The following MYH14 variants were observed in gnomAD, a reference collection of about 807,000 sequenced individuals.
MYH14 encodes myosin-14.
A neutral mutation model predicts 255.5 loss-of-function variants in MYH14; 123 were observed. The observed-to-expected ratio is 0.48, with a 90% CI of 0.42 to 0.56. The LOEUF is 0.56. MYH14 is among the 20% of genes least tolerant of loss of function. The pLI is 0.00. For synonymous variants in MYH14, 1,095 were observed against 1,161.2 expected (o/e 0.94, Z 1.16); for missense variants, 2,423 against 2,802.3 (o/e 0.86, Z 3.06).
Position 50,289,595 on chromosome 19 carries a change from C to T in MYH14, c.4912C>T (p.Leu1638=). Residue 1638 remains leucine, a synonymous_variant, in exon 35 of 43, where the codon CTG becomes TTG. Transcript: ENST00000642316. The part of the protein sequence containing the change: ...QALKTQHERD[L]QGRDEAGEER... Reference sequence around the variant, plus strand: ...TCTCAAGACTCAGCATGAGCGTGACCTGCAGGGCCGTGATGAGGCTGGTGA... The same window carrying T: ...TCTCAAGACTCAGCATGAGCGTGACTTGCAGGGCCGTGATGAGGCTGGTGA... 6.2e-7 allele frequency: 1 copy of T among 1,612,854 alleles called. No homozygotes were observed. Among genetic ancestry groups the T allele is most frequent in the Non-Finnish European group, 8.5e-7 (1 of 1,179,568 alleles).
intron 16 of MYH14, among the ~76,000 whole-genome samples, chr19:50,253,130 G>A (rs1258067279): frequency 6.6e-6 from 1 of 152,098 alleles, no homozygotes; most frequent in African/African-American, 2.4e-5. Context: ...TTTTTAGATG[G>A]CCTGTGTTCC....
chr19:50,289,603 C>A lies in MYH14; in HGVS notation c.4920C>A (p.Gly1640=). The part of the protein sequence containing the change: ...LKTQHERDLQ[G]RDEAGEERRR... ...CTCAGCATGAGCGTGACCTGCAGGGCCGTGATGAGGCTGGTGAAGAGAGGC... is the reference window on the plus strand; with the variant it reads ...CTCAGCATGAGCGTGACCTGCAGGGACGTGATGAGGCTGGTGAAGAGAGGC... Residue 1640 remains glycine (G), a synonymous_variant, in exon 35 of 43, where the codon GGC becomes GGA. Coordinates refer to ENST00000642316, the MANE Select transcript of MYH14 (RefSeq NM_001145809.2). 6.2e-7 allele frequency: 1 copy of A among 1,612,576 alleles called. No individual in the cohort carries two copies. Among genetic ancestry groups the A allele is most frequent in the Non-Finnish European group, 8.5e-7 (1 of 1,179,506 alleles).
intron 2 of MYH14, among the ~76,000 whole-genome samples, chr19:50,213,150 A>T (rs185157067): frequency 6.6e-6 from 1 of 152,132 alleles, no homozygotes; most frequent in Admixed American, 6.6e-5. Context: ...TTGGGGTTTC[A>T]CCATGTTTGT....
chr19:50,247,534 A>T (rs966043388), intron 12 of MYH14, among the ~76,000 whole-genome samples: 9 of 152,022 alleles, frequency 5.9e-5, no homozygotes, highest in South Asian at 4.2e-4. Context: ...ATAATAATTT[A>T]AAAAAACAGG....
At chr19:50,257,166 C>T (rs2034620443) in intron 17 of MYH14, 133 bp from the exon 18 acceptor site, 1 of 678,638 alleles carries the variant, frequency 1.5e-6, no homozygotes, top group Admixed American at 2.9e-5. Context: ...TGATATCTAC[C>T]TTACAGGCTG....
At chr19:50,242,139 G>T (rs1344332246) in intron 10 of MYH14, among the ~76,000 whole-genome samples, 2 of 152,166 alleles carry the variant, frequency 1.3e-5, no homozygotes, top group East Asian at 1.9e-4. Flanking sequence ...GCCTAGTCCT[G>T]GTGACGTCCA....
chr19:50,213,681 C>T (rs2032319570), intron 2 of MYH14, among the ~76,000 whole-genome samples: 1 of 152,140 alleles, frequency 6.6e-6, no homozygotes, highest in Non-Finnish European at 1.5e-5. Flanking sequence ...CTTATTGACC[C>T]CCTCCCCATC....
intron 33 of MYH14, among the ~76,000 whole-genome samples, chr19:50,282,107 G>A (rs1347078182): frequency 1.3e-5 from 2 of 152,124 alleles, no homozygotes; most frequent in Non-Finnish European, 1.5e-5. Context: ...CAAAATATAC[G>A]AATACCTTCA....
At chr19:50,241,026 G>A (rs2033871687) in intron 10 of MYH14, among the ~76,000 whole-genome samples, 1 of 152,156 alleles carries the variant, frequency 6.6e-6, no homozygotes, top group Non-Finnish European at 1.5e-5. Flanking sequence ...TTGTGGTATG[G>A]AGGAAGTGAA....
Position 50,306,904 on chromosome 19 carries a change from C to T in MYH14, c.5679-145C>T, listed in dbSNP as rs532487901. 9.8e-4 allele frequency: 648 copies of T among 660,022 alleles called. 5 individuals carry two copies. The highest frequency in any genetic ancestry group is 7.6e-3 in the Middle Eastern group (30 of 3,924). The allele number at this position is 660,022 out of a possible 1,614,324, so 40.9% of individuals were successfully genotyped here. On this transcript the variant is annotated intron_variant, in intron 40 of 42. Transcript: ENST00000642316. Reference sequence around the variant, plus strand: ...CAGCCTGCATGTCAGTGTTTGGCCTCAGTAAACTGTGGGAACCACTTAGGG... The same window carrying T: ...CAGCCTGCATGTCAGTGTTTGGCCTTAGTAAACTGTGGGAACCACTTAGGG...
chr19:50,209,558 G>A (rs1459174580), intron 1 of MYH14, among the ~76,000 whole-genome samples: 1 of 152,120 alleles, frequency 6.6e-6, no homozygotes, highest in Non-Finnish European at 1.5e-5. Flanking sequence ...GCCGAGGCGG[G>A]CAGATCACCA....
At chr19:50,298,572 G>A (rs1450426935) in intron 39 of MYH14, among the ~76,000 whole-genome samples, 1 of 151,766 alleles carries the variant, frequency 6.6e-6, no homozygotes, top group Admixed American at 6.6e-5. Flanking sequence ...CCAATATGGT[G>A]AACCCCTGTC....
intron 24 of MYH14, among the ~76,000 whole-genome samples, chr19:50,268,975 A>G (rs2035197016): frequency 6.6e-6 from 1 of 152,234 alleles, no homozygotes. Flanking sequence ...TTCATTGGAA[A>G]TACTTGATCT....
intron 2 of MYH14, among the ~76,000 whole-genome samples, chr19:50,215,894 G>A (rs1456793270): frequency 1.3e-5 from 2 of 152,172 alleles, no homozygotes; most frequent in Non-Finnish European, 2.9e-5. Flanking sequence ...AGCAGAGTAG[G>A]TTACCCTACT....
In MYH14 at chr19:50,310,015, C is replaced by T. The variant is rs1454127431; in HGVS notation, c.*225C>T. ...GCAGGCAGGGAGGCAATGACTGGAGCTACCTTGCTTGTTGGGGGACTGGGT... is the reference window on the plus strand; with the variant it reads ...GCAGGCAGGGAGGCAATGACTGGAGTTACCTTGCTTGTTGGGGGACTGGGT... On this transcript the variant is annotated 3_prime_UTR_variant, in exon 43 of 43. Transcript: ENST00000642316. 4.7e-6 allele frequency: 3 copies of T among 633,548 alleles called. No individual in the cohort carries two copies. Among genetic ancestry groups the T allele is most frequent in the East Asian group, 2.8e-5 (1 of 35,796 alleles). The allele number at this position is 633,548 out of a possible 1,614,324, so 39.2% of individuals were successfully genotyped here. A position where few individuals can be genotyped will look rare whatever the true frequency, so the allele number is the denominator to read the frequency against.
intron 26 of MYH14, 26 bp from the exon 27 acceptor site, chr19:50,272,534 T>G (rs1216921823): frequency 1.9e-6 from 3 of 1,554,624 alleles, no homozygotes; most frequent in East Asian, 2.4e-5. Context: ...GGAGTCCTCA[T>G]GCACGGCCCC....
At chr19:50,205,310 G>C (rs955781191) in intron 1 of MYH14, 1 of 154,164 alleles carries the variant, frequency 6.5e-6, no homozygotes, top group African/African-American at 2.4e-5. Context: ...TGGCGCCGCC[G>C]CCGCCGCCGC....
In MYH14 at chr19:50,230,480, CG is replaced by C. The variant is rs2033318094; in HGVS notation, c.875-41del. 6.6e-7 allele frequency: 1 copy of C among 1,517,898 alleles called. No individual in the cohort carries two copies. The highest frequency in any genetic ancestry group is 1.2e-5 in the South Asian group (1 of 83,342). 94.0% of individuals were successfully genotyped at this position (1,517,898 alleles called of 1,614,324 possible). ...GGCTCCTGTAGTGGCCTGGCAGCGT[CG>C]GGGCCGTCCCTTCCCCTCTAGCACC... On this transcript the variant is annotated intron_variant, in intron 8 of 42. Coordinates refer to ENST00000642316, the MANE Select transcript of MYH14 (RefSeq NM_001145809.2). This position sits in a 1 kb window ranked among gnomAD's most constrained non-coding sequence, Gnocchi z 4.7.
Position 50,255,085 on chromosome 19 carries a change from G to T in MYH14, c.1946-135G>T, listed in dbSNP as rs1042806491. The T allele has an allele frequency of 3.7e-5, 25 of 668,646 alleles. No individual in the cohort carries two copies. In the South Asian group the frequency reaches 4.3e-4, roughly 11 times the overall value. 41.4% of individuals were successfully genotyped at this position (668,646 alleles called of 1,614,324 possible). A position where few individuals can be genotyped will look rare whatever the true frequency, so the allele number is the denominator to read the frequency against. The stretch of plus-strand genomic sequence containing the variant: ...CTGGTTTTCCATCTTGCTTTGCTCT[G>T]TACTGTTGACTAATAACCCTCTCCT... On this transcript the variant is annotated intron_variant, in intron 16 of 42. Coordinates refer to ENST00000642316, the MANE Select transcript of MYH14 (RefSeq NM_001145809.2).
Sources: allele counts gnomAD v4.1 joint callset (sites outside exome capture counted in the v4.1 genomes callset), GRCh38; gene constraint gnomAD v4.1.1; non-coding constraint Gnocchi (gnomAD v3.1); transcripts MANE v1.5; gene names NCBI Gene and HGNC (gene_info 2026-07-23, HGNC 2026-07-21).